The following PARD3B variants were observed in gnomAD, a reference collection of about 807,000 sequenced individuals.
PARD3B encodes the protein par-3 family cell polarity regulator beta.
A neutral mutation model predicts 130.2 loss-of-function variants in PARD3B; 103 were observed. The observed-to-expected ratio is 0.79, with a 90% CI of 0.67 to 0.93. PARD3B has a LOEUF of 0.93. Among genes scored for constraint, PARD3B ranks in the 40% least tolerant of loss-of-function variants. The probability of loss-of-function intolerance (pLI) is 0.00; values close to 1 mark genes in which losing one functional copy is unlikely to be tolerated. For missense variants in PARD3B, 1,609 were observed against 1,499.2 expected (o/e 1.07, Z -1.21); for synonymous variants, 583 against 553.2 (o/e 1.05, Z -0.76).
At chr2:205,518,859 A>C (rs1466451598) in intron 21 of PARD3B, among the ~76,000 whole-genome samples, 1 of 152,170 alleles carries the variant, frequency 6.6e-6, no homozygotes, top group Non-Finnish European at 1.5e-5. Flanking sequence ...GTTTAGCTGG[A>C]TATAAAATTC....
chr2:205,494,426 T>G (rs1445576170), intron 20 of PARD3B, among the ~76,000 whole-genome samples: 1 of 152,142 alleles, frequency 6.6e-6, no homozygotes, highest in Non-Finnish European at 1.5e-5. Context: ...AGAATGTGTC[T>G]TTCATGTAGG....
chr2:205,603,280 A>AC (rs2105764711), intron 22 of PARD3B, among the ~76,000 whole-genome samples: 2 of 152,220 alleles, frequency 1.3e-5, no homozygotes, highest in Admixed American at 1.3e-4. Context: ...TTATGTGATC[A>AC]ATTTTAGAGT....
Position 205,119,033 on chromosome 2 carries a change from A to G in PARD3B, c.793A>G (p.Lys265Glu), listed in dbSNP as rs767294616. ...VKINNVDLVD[K>E]TFAQAQDVFR... ...AATCAACAATGTGGATCTCGTAGAC[A>G]AAACCTTTGCTCAGTAAGCATTTTT... The change falls in exon 7 of 23, where the codon AAA becomes GAA. Residue 265 changes from lysine (K) to glutamate (E), a missense_variant. By Grantham distance (56) the Lys-to-Glu change is moderately conservative. Coordinates refer to ENST00000406610, the MANE Select transcript of PARD3B (RefSeq NM_001302769.2). The G allele has an allele frequency of 1.2e-6, 2 of 1,602,708 alleles. No individual in the cohort carries two copies. The highest frequency in any genetic ancestry group is 1.1e-5 in the South Asian group (1 of 88,412).
chr2:205,037,099 GCGGAC>G (rs1559376377), intron 3 of PARD3B, among the ~76,000 whole-genome samples: 7 of 146,326 alleles, frequency 4.8e-5, no homozygotes, highest in Admixed American at 4.1e-4. Context: ...TACATATATA[GCGGAC>G]TGTATATATA....
chr2:204,868,689 CGTT>C (rs1369966497), intron 2 of PARD3B, among the ~76,000 whole-genome samples: 9 of 152,212 alleles, frequency 5.9e-5, no homozygotes, highest in Non-Finnish European at 2.9e-5. Flanking sequence ...TTTTTACTGT[CGTT>C]GTCATAAATA....
At chr2:204,671,194 G>A (rs2036280053) in intron 1 of PARD3B, among the ~76,000 whole-genome samples, 1 of 152,018 alleles carries the variant, frequency 6.6e-6, no homozygotes, top group Non-Finnish European at 1.5e-5. Context: ...TACTTTGCTG[G>A]CGTTGGATAG....
At position 204,678,479 on chromosome 2, in the gene PARD3B, A is replaced by T. The variant is rs578026195; in HGVS notation, c.121-7702A>T. 1.3e-4 allele frequency among the ~76,000 whole-genome samples: 20 copies of T among 152,018 alleles called. No individual in the cohort carries two copies. The highest frequency in any genetic ancestry group is 2.8e-4 in the Non-Finnish European group (19 of 68,004). The stretch of plus-strand genomic sequence containing the variant: ...GAAGGATGTTGAATGCAGAGGTTTT[A>T]TTGACTGATGGAGGTGGCTGTCAGT... On this transcript the variant is annotated intron_variant, in intron 1 of 22. Coordinates refer to ENST00000406610, the MANE Select transcript of PARD3B (RefSeq NM_001302769.2). This position sits in a 1 kb window ranked among gnomAD's most constrained non-coding sequence, Gnocchi z 4.2.
intron 3 of PARD3B, among the ~76,000 whole-genome samples, chr2:205,043,643 T>A (rs1040723645): frequency 6.6e-6 from 1 of 152,168 alleles, no homozygotes; most frequent in Non-Finnish European, 1.5e-5. Context: ...TCTATGAAAC[T>A]GGATAGAGTT....
At position 204,678,636 on chromosome 2, in the gene PARD3B, C is replaced by T. The variant is rs573994524; in HGVS notation, c.121-7545C>T. Reference sequence around the variant, plus strand: ...CCGCGTCTAGCCTTAGTCTCTGATGCGCAGTTGCTTCTAGTCTCTGATGCG... The same window carrying T: ...CCGCGTCTAGCCTTAGTCTCTGATGTGCAGTTGCTTCTAGTCTCTGATGCG... On this transcript the variant is annotated intron_variant, in intron 1 of 22. Transcript: ENST00000406610. This position sits in a 1 kb window ranked among gnomAD's most constrained non-coding sequence, Gnocchi z 4.2. Among the ~76,000 whole-genome samples, 2 of 152,064 alleles carry T rather than the reference C, an allele frequency of 1.3e-5. No homozygotes were observed. Among genetic ancestry groups the T allele is most frequent in the South Asian group, 4.2e-4 (2 of 4,810 alleles).
At chr2:205,197,120 A>G (rs529698312) in intron 15 of PARD3B, among the ~76,000 whole-genome samples, 5 of 150,212 alleles carry the variant, frequency 3.3e-5, no homozygotes, top group African/African-American at 9.7e-5. Context: ...AATGTTTGCT[A>G]TTGGCTTCTG....
At chr2:204,592,775 C>T (rs997345031) in intron 1 of PARD3B, among the ~76,000 whole-genome samples, 3 of 152,128 alleles carry the variant, frequency 2.0e-5, no homozygotes, top group African/African-American at 7.2e-5. Flanking sequence ...ACCAGTTATC[C>T]CCTATTCCCA....
chr2:204,624,817 T>C (rs2125132039), intron 1 of PARD3B, among the ~76,000 whole-genome samples: 1 of 152,268 alleles, frequency 6.6e-6, no homozygotes, highest in Middle Eastern at 3.4e-3. Flanking sequence ...CAAACGATTT[T>C]CCAGAGTAGC....
At chr2:204,849,377 C>T (rs956558592) in intron 2 of PARD3B, among the ~76,000 whole-genome samples, 3 of 152,148 alleles carry the variant, frequency 2.0e-5, no homozygotes, top group Non-Finnish European at 4.4e-5. Flanking sequence ...CTTCTAACAG[C>T]CATTCAGCAT....
chr2:204,849,765 T>A (rs907058844), intron 2 of PARD3B, among the ~76,000 whole-genome samples: 2 of 152,200 alleles, frequency 1.3e-5, no homozygotes, highest in Non-Finnish European at 2.9e-5. Flanking sequence ...GTTAGTGTAT[T>A]CTTACTCATG....
chr2:205,426,098 G>A (rs1045533922), intron 19 of PARD3B, among the ~76,000 whole-genome samples: 1 of 152,150 alleles, frequency 6.6e-6, no homozygotes, highest in Non-Finnish European at 1.5e-5. Context: ...GGGCGGTACT[G>A]AAGGAGATCG....
intron 2 of PARD3B, among the ~76,000 whole-genome samples, chr2:204,902,668 CAA>C (rs5837941): frequency 0.059 from 3,992 of 67,480 alleles, 29 homozygotes; most frequent in Middle Eastern, 0.1. Context: ...GACTCTGTCT[CAA>C]AAAAAAAAAA....
At position 205,440,730 on chromosome 2, in the gene PARD3B, C is replaced by A. The variant is rs2047686432; in HGVS notation, c.3044+58C>A. 6.6e-7 allele frequency: 1 copy of A among 1,504,666 alleles called. No homozygotes were observed. Among genetic ancestry groups the A allele is most frequent in the Non-Finnish European group, 9.1e-7 (1 of 1,094,828 alleles). 93.2% of individuals were successfully genotyped at this position (1,504,666 alleles called of 1,614,324 possible). ...TAATTCAGTATGTTTCAAATCATCT[C>A]TACTGCTGAAACCGATAAAAAATGT... On this transcript the variant is annotated intron_variant, in intron 20 of 22. Coordinates refer to ENST00000406610, the MANE Select transcript of PARD3B (RefSeq NM_001302769.2). The surrounding 1 kb of genome is among the most constrained non-coding windows in gnomAD (Gnocchi z 4.2).
chr2:205,151,330 T>A (rs2033741445), intron 10 of PARD3B, among the ~76,000 whole-genome samples: 1 of 152,164 alleles, frequency 6.6e-6, no homozygotes, highest in Non-Finnish European at 1.5e-5. Flanking sequence ...TAACTTTCTG[T>A]CTCATTGATC....
At chr2:204,561,751 A>G (rs906856510) in intron 1 of PARD3B, among the ~76,000 whole-genome samples, 1 of 151,924 alleles carries the variant, frequency 6.6e-6, no homozygotes, top group Non-Finnish European at 1.5e-5. Context: ...GCACGCTACC[A>G]CGCCCGGCTA....
Sources: allele counts gnomAD v4.1 joint callset (sites outside exome capture counted in the v4.1 genomes callset), GRCh38; gene constraint gnomAD v4.1.1; non-coding constraint Gnocchi (gnomAD v3.1); transcripts MANE v1.5; gene names NCBI Gene and HGNC (gene_info 2026-07-23, HGNC 2026-07-21).